CES5A: variants seen among roughly 807,000 people sequenced by gnomAD.
CES5A encodes carboxylesterase 5.
In CES5A, 67 loss-of-function variants were observed where a neutral mutation model predicts 62.9. That is an observed-to-expected ratio of 1.07 (90% CI 0.88 to 1.31). The LOEUF (loss-of-function observed/expected upper bound fraction) is 1.31, where lower values mean the gene tolerates loss of function less well. CES5A is among the 50% of genes most tolerant of loss of function. The pLI, the probability that CES5A is intolerant of heterozygous loss-of-function variation, is 0.00. For missense variants in CES5A, 748 were observed against 708.5 expected, an observed-to-expected ratio of 1.06 and a Z score of -0.63; for synonymous variants, 296 against 280.8, an observed-to-expected ratio of 1.05 and a Z score of -0.54.
intron 1 of CES5A, among the ~76,000 whole-genome samples, chr16:55,900,336 G>A (rs1157489884): frequency 6.6e-6 from 1 of 152,148 alleles, no homozygotes; most frequent in African/African-American, 2.4e-5. Context: ...TCTTCAAACA[G>A]CCATGCAAAG....
chr16:55,897,149 C>A (rs1440750962), intron 1 of CES5A, among the ~76,000 whole-genome samples: 2 of 151,946 alleles, frequency 1.3e-5, no homozygotes, highest in African/African-American at 4.8e-5. Context: ...CCAGGGATGG[C>A]TAAGTATTCT....
At chr16:55,938,139 T>A (rs948877100) in intron 2 of CES5A, among the ~76,000 whole-genome samples, 2 of 152,188 alleles carry the variant, frequency 1.3e-5, no homozygotes, top group Admixed American at 1.3e-4. Flanking sequence ...AAAGAAGGGA[T>A]GAACCATCTT....
chr16:55,846,186 G>A lies in CES5A; in HGVS notation c.*265C>T. The A allele has an allele frequency of 3.9e-6, 2 of 507,292 alleles. No individual in the cohort carries two copies. The highest frequency in any genetic ancestry group is 7.0e-6 in the Non-Finnish European group (2 of 285,442). 31.4% of individuals were successfully genotyped at this position (507,292 alleles called of 1,614,324 possible). The stretch of plus-strand genomic sequence containing the variant: ...TACATTCTGATTTTATTTCATATGA[G>A]TTACAAAACCATTATTATGACAACT... On this transcript the variant is annotated 3_prime_UTR_variant, in exon 13 of 13. Coordinates refer to ENST00000290567, the MANE Select transcript of CES5A (RefSeq NM_001143685.2).
At chr16:55,854,532 T>TTTCTGTTTTCTTTCTTTTTTTCTTTTC (rs1491341397) in intron 9 of CES5A, among the ~76,000 whole-genome samples, 1 of 59,122 alleles carries the variant, frequency 1.7e-5, no homozygotes, top group Admixed American at 2.1e-4. Flanking sequence ...GTAGTGTTTC[T>TTTCTGTTTTCTTTCTTTTTTTCTTTTC]TTTTTTTTTT....
At chr16:55,914,068 T>A (rs188582468) in intron 1 of CES5A, among the ~76,000 whole-genome samples, 1 of 152,342 alleles carries the variant, frequency 6.6e-6, no homozygotes, top group East Asian at 1.9e-4. Context: ...GGAGGTCCAG[T>A]TAAATGTGAA....
chr16:55,930,756 T>G (rs8063874), intron 2 of CES5A, among the ~76,000 whole-genome samples: 53,084 of 152,030 alleles, frequency 0.35, 9,591 homozygotes, highest in African/African-American at 0.39. Flanking sequence ...TTTCCAGTGC[T>G]AAACTGTAGG....
At chr16:55,886,173 GA>G (rs1408365713) in intron 1 of CES5A, among the ~76,000 whole-genome samples, 1 of 152,202 alleles carries the variant, frequency 6.6e-6, no homozygotes, top group Non-Finnish European at 1.5e-5. Context: ...ATAGTGATGA[GA>G]AAAACATCCT....
intron 1 of CES5A, among the ~76,000 whole-genome samples, chr16:55,955,294 A>C (rs1273354634): frequency 2.0e-5 from 3 of 152,178 alleles, no homozygotes; most frequent in Non-Finnish European, 4.4e-5. Flanking sequence ...GTCAAAAAAA[A>C]ATTTTTTTAA....
intron 1 of CES5A, among the ~76,000 whole-genome samples, chr16:55,894,717 A>G (rs1279367577): frequency 6.6e-6 from 1 of 152,142 alleles, no homozygotes; most frequent in South Asian, 2.1e-4. Flanking sequence ...TGCAGAAAAA[A>G]GTTGCCGAAC....
At position 55,852,861 on chromosome 16, in the gene CES5A, C is replaced by T. The variant is rs1319313449; in HGVS notation, c.1273+20G>A. ...GCCTCACTGGGCTATGGTCCTGGAGCGGGATGCTCAGATACTCACCTCTGT... is the reference window on the plus strand; with the variant it reads ...GCCTCACTGGGCTATGGTCCTGGAGTGGGATGCTCAGATACTCACCTCTGT... On this transcript the variant is annotated intron_variant, in intron 10 of 12. Coordinates refer to ENST00000290567, the MANE Select transcript of CES5A (RefSeq NM_001143685.2). The T allele has an allele frequency of 8.7e-6, 14 of 1,604,876 alleles. No individual in the cohort carries two copies. Among genetic ancestry groups the T allele is most frequent in the Middle Eastern group, 2.0e-4 (1 of 4,928 alleles).
rs1358126147 is a variant in CES5A, at chr16:55,883,942, C to T, written c.-255-9905G>A. ...ATTCACTACCTGGCTCTCGTAGGTC[C>T]CCACTCTAACAGGGGGGTCATGGTG... On this transcript the variant is annotated intron_variant, in intron 1 of 12. Transcript: ENST00000518005. Among the ~76,000 whole-genome samples, 3 of 152,272 alleles carry T rather than the reference C, an allele frequency of 2.0e-5. No individual in the cohort carries two copies. In the East Asian group the frequency reaches 5.8e-4, roughly 29 times the overall value.
rs2033090426 is a variant in CES5A, at chr16:55,849,748, A to G, written c.1299T>C (p.Tyr433=). The change falls in exon 11 of 13, where the codon TAT becomes TAC. Residue 433 remains tyrosine, a synonymous_variant. Coordinates refer to ENST00000290567, the MANE Select transcript of CES5A (RefSeq NM_001143685.2). ...HRDAGAPVYF[Y]EFRHRPQCFE... ...AGCACTGAGGCCGGTGCCGAAACTC[A>G]TAGAAGTAGACAGGTGCACCAGCAT... The G allele has an allele frequency of 6.2e-7, 1 of 1,613,850 alleles. No individual in the cohort carries two copies. The highest frequency in any genetic ancestry group is 1.1e-5 in the South Asian group (1 of 91,092).
intron 1 of CES5A, among the ~76,000 whole-genome samples, chr16:55,909,027 G>A (rs780994830): frequency 1.3e-5 from 2 of 152,252 alleles, no homozygotes; most frequent in Non-Finnish European, 2.9e-5. Context: ...ATCTACAACA[G>A]GGAACGAATG....
chr16:55,887,409 A>G (rs754187111), intron 1 of CES5A, among the ~76,000 whole-genome samples: 5 of 151,518 alleles, frequency 3.3e-5, no homozygotes, highest in Admixed American at 6.6e-5. Flanking sequence ...AAGTTACTAC[A>G]CTGATTATCA....
At chr16:55,951,787 C>T (rs2034560406) in intron 1 of CES5A, among the ~76,000 whole-genome samples, 1 of 152,100 alleles carries the variant, frequency 6.6e-6, no homozygotes, top group South Asian at 2.1e-4. Context: ...AACTTAGCTT[C>T]AATACAGAAA....
chr16:55,897,790 A>G (rs1478871816), intron 1 of CES5A, among the ~76,000 whole-genome samples: 1 of 152,224 alleles, frequency 6.6e-6, no homozygotes, highest in Non-Finnish European at 1.5e-5. Context: ...ATAGTAAAAA[A>G]CTGGAGCCAA....
intron 1 of CES5A, among the ~76,000 whole-genome samples, chr16:55,902,990 G>A (rs988677443): frequency 6.6e-6 from 1 of 152,084 alleles, no homozygotes; most frequent in Non-Finnish European, 1.5e-5. Context: ...TAACGAAGAA[G>A]GGCAACAAAA....
chr16:55,916,152 A>G (rs975710288), intron 1 of CES5A, among the ~76,000 whole-genome samples: 1 of 152,208 alleles, frequency 6.6e-6, no homozygotes, highest in African/African-American at 2.4e-5. Flanking sequence ...AGGTCCAGGT[A>G]CAGCCATTGG....
At chr16:55,863,751 CTTTTTATTTCT>C (rs1227933513) in intron 5 of CES5A, among the ~76,000 whole-genome samples, 4 of 142,658 alleles carry the variant, frequency 2.8e-5, no homozygotes, top group African/African-American at 1.1e-4. Flanking sequence ...TTTTTTATTT[CTTTTTATTTCT>C]TTTTTTTTTT....
Sources: gnomAD v4.1 joint callset for allele counts (sites outside exome capture counted in the v4.1 genomes callset) on GRCh38, gnomAD v4.1.1 for gene constraint, MANE v1.5 for transcripts, NCBI Gene and HGNC (gene_info 2026-07-23, HGNC 2026-07-21) for gene names.